Variants in CAMTA2 observed in about 807,000 individuals in gnomAD.
The protein encoded by CAMTA2 is calmodulin-binding transcription activator 2.
CAMTA2 carries 56 observed loss-of-function variants against 135.7 expected under a neutral mutation model. The observed-to-expected ratio is 0.41, with a 90% confidence interval of 0.33 to 0.52. The LOEUF is 0.52. Ranked by LOEUF, CAMTA2 falls within the 20% of genes least tolerant of loss-of-function variation. The pLI is 0.16. For missense variants in CAMTA2, 1,358 were observed against 1,553.4 expected (o/e 0.87, Z 2.11); for synonymous variants, 591 against 604.6 (o/e 0.98, Z 0.33).
chr17:4,972,968 G>A lies in CAMTA2; in HGVS notation c.2304C>T (p.His768=). The part of the protein sequence containing the change: ...TPLMWACALG[H]LEAAVLLFRW... ...GGAAAAGGAGCACAGCAGCTTCCAG[G>A]TGTCCCAGGGCACAAGCCCACATCT... The change falls in exon 15 of 23, where the codon CAC becomes CAT. Residue 768 remains histidine, a synonymous_variant. Transcript: ENST00000348066. 6.2e-7 allele frequency: 1 copy of A among 1,613,096 alleles called. No individual in the cohort carries two copies. The highest frequency in any genetic ancestry group is 8.5e-7 in the Non-Finnish European group (1 of 1,179,876).
rs1448137856 is a variant in CAMTA2, at chr17:4,977,013, A to G, written c.1900+45T>C. The G allele has an allele frequency of 3.1e-6, 5 of 1,606,772 alleles. No individual in the cohort carries two copies. In the Admixed American group the frequency reaches 6.7e-5, roughly 22 times the overall value. On this transcript the variant is annotated intron_variant, in intron 11 of 22. Transcript: ENST00000348066. ...GTGGTCTAGGAGCATGTCATGCTTA[A>G]AGGCTGTGGGCTGGATACTTGGGTT...
intron 12 of CAMTA2, 76 bp downstream of exon 12, chr17:4,974,308 TG>T: frequency 1.1e-6 from 1 of 908,108 alleles, no homozygotes. Flanking sequence ...AGGAGAGTCA[TG>T]GGCACTAGAT....
At chr17:4,984,786 C>T (rs982437424) in intron 3 of CAMTA2, among the ~76,000 whole-genome samples, 5 of 149,376 alleles carry the variant, frequency 3.3e-5, no homozygotes, top group East Asian at 2.0e-4. Context: ...TGTAGGAGGC[C>T]GAGATGGGCG....
At position 4,968,728 on chromosome 17, in the gene CAMTA2, C is replaced by CA; in HGVS notation, c.*27dup. ...CTGTTAAGACTGCACGAGGCGCCCCCAGGGTGGTGAGAAAGGCGGTGGCCA... is the reference window on the plus strand; with the variant it reads ...CTGTTAAGACTGCACGAGGCGCCCCCAAGGGTGGTGAGAAAGGCGGTGGCCA... On this transcript the variant is annotated 3_prime_UTR_variant, in exon 23 of 23. Coordinates refer to ENST00000348066, the MANE Select transcript of CAMTA2 (RefSeq NM_015099.4). 1 of 1,613,808 alleles carries CA rather than the reference C, an allele frequency of 6.2e-7. No individual in the cohort carries two copies. The highest frequency in any genetic ancestry group is 1.3e-5 in the African/African-American group (1 of 75,046).
chr17:4,981,460 C>A, intron 7 of CAMTA2, 101 bp from the exon 8 acceptor site: 1 of 1,510,542 alleles, frequency 6.6e-7, no homozygotes, highest in Non-Finnish European at 9.0e-7. Flanking sequence ...AGACTTCTGG[C>A]CAGGTGAACA....
At position 4,968,776 on chromosome 17, in the gene CAMTA2, G is replaced by A; in HGVS notation, c.3589C>T (p.Gln1197Ter). ...KQNQELEGLP[Q>*]PGLAT ...CCAGGTCATGTGGCCAGTCCCGGCT[G>A]GGGAAGCCCTTCCAGCTCCTGGTTC... The change falls in exon 23 of 23, where the codon CAG (glutamine) becomes TAG (stop). Residue 1197 changes from glutamine (Q) to a stop codon, truncating the protein, a stop_gained. Coordinates refer to ENST00000348066, the MANE Select transcript of CAMTA2 (RefSeq NM_015099.4). LOFTEE classifies it high-confidence loss of function. The A allele has an allele frequency of 1.9e-6, 3 of 1,614,110 alleles. No homozygotes were observed. Among genetic ancestry groups the A allele is most frequent in the Non-Finnish European group, 2.5e-6 (3 of 1,180,024 alleles).
chr17:4,974,812 C>T, intron 11 of CAMTA2: 1 of 249,706 alleles, frequency 4.0e-6, no homozygotes, highest in Non-Finnish European at 7.9e-6. Flanking sequence ...CCCACCCGTA[C>T]ACACTCTTCC....
rs1255638945 is a variant in CAMTA2, at chr17:4,980,395, A to G, written c.927T>C (p.Pro309=). 38 of 1,613,704 alleles carry G rather than the reference A, an allele frequency of 2.4e-5. No individual in the cohort carries two copies. Among genetic ancestry groups the G allele is most frequent in the African/African-American group, 4.0e-5 (3 of 74,818 alleles). Reference sequence around the variant, plus strand: ...AACCCCCTCGAGAAGTGGGAGGGCTAGGTCTGATTTCTAGGGGCTCTGCAA... The same window carrying G: ...AACCCCCTCGAGAAGTGGGAGGGCTGGGTCTGATTTCTAGGGGCTCTGCAA... ...SGFAEPLEIR[P]SPPTSRGGSS... The change falls in exon 9 of 23, where the codon CCT becomes CCC. Residue 309 remains proline (P), a synonymous_variant. Coordinates refer to ENST00000348066, the MANE Select transcript of CAMTA2 (RefSeq NM_015099.4). The surrounding 1 kb of genome is among the most constrained non-coding windows in gnomAD (Gnocchi z 5.3).
chr17:4,987,050 C>A, intron 1 of CAMTA2: 2 of 1,410,936 alleles, frequency 1.4e-6, no homozygotes, highest in Non-Finnish European at 1.8e-6. Flanking sequence ...CGCCAGGTGT[C>A]CAGGATGGAG....
intron 3 of CAMTA2, among the ~76,000 whole-genome samples, chr17:4,983,444 G>A (rs551125015): frequency 5.3e-5 from 8 of 150,962 alleles, no homozygotes; most frequent in Admixed American, 2.0e-4. Flanking sequence ...CACCATGCCC[G>A]GGTAATTTTG....
chr17:4,975,218 T>C (rs1223545600), intron 11 of CAMTA2, among the ~76,000 whole-genome samples: 8 of 151,438 alleles, frequency 5.3e-5, no homozygotes, highest in Admixed American at 5.3e-4. Flanking sequence ...ACGGTGAAGG[T>C]TGGAGATGTT....
In CAMTA2 at chr17:4,973,215, A is replaced by G. The variant is rs540843195; in HGVS notation, c.2240T>C (p.Val747Ala). The change falls in exon 14 of 23, where the codon GTT becomes GCT. Residue 747 changes from valine to alanine, a missense_variant. Coordinates refer to ENST00000348066, the MANE Select transcript of CAMTA2 (RefSeq NM_015099.4). The stretch of plus-strand genomic sequence containing the variant: ...GAAATGATCCACGTTGAGCGGGTCA[A>G]CCTCCTGCTCTAAGTCCAAGCTTCC... ...ETGSLDLEQE[V>A]DPLNVDHFSC... The G allele has an allele frequency of 5.1e-5, 83 of 1,614,014 alleles. 1 individual carries two copies. The South Asian group carries it at 7.5e-4, about 15-fold the overall frequency.
chr17:4,986,989 G>A (rs1417453443), intron 1 of CAMTA2: 1 of 1,465,994 alleles, frequency 6.8e-7, no homozygotes, highest in Non-Finnish European at 9.0e-7. Context: ...TGAGCCCCCC[G>A]CCCTCCTCGG....
chr17:4,981,489 A>G, intron 7 of CAMTA2, 130 bp from the exon 8 acceptor site: 1 of 1,351,780 alleles, frequency 7.4e-7, no homozygotes, highest in Non-Finnish European at 1.0e-6. Flanking sequence ...CAGCCTCAAG[A>G]CTGCTCAGAT....
At chr17:4,975,589 G>A (rs1406492428) in intron 11 of CAMTA2, among the ~76,000 whole-genome samples, 3 of 152,158 alleles carry the variant, frequency 2.0e-5, no homozygotes, top group African/African-American at 7.2e-5. Flanking sequence ...AGATCCCAAG[G>A]TAGGCAGACT....
rs1254286743 is a variant in CAMTA2 at position 4,974,493 on chromosome 17, C to A, written c.1908G>T (p.Gln636His). 6.2e-7 allele frequency: 1 copy of A among 1,611,754 alleles called. No individual in the cohort carries two copies. The highest frequency in any genetic ancestry group is 1.1e-5 in the South Asian group (1 of 91,038). Residue 636 changes from glutamine to histidine, a missense_variant, in exon 12 of 23, where the codon CAG (glutamine) becomes CAT (histidine). Coordinates refer to ENST00000348066, the MANE Select transcript of CAMTA2 (RefSeq NM_015099.4). ...GTCGCTCTAGTATGGACATCCGGAA[C>A]TGGTTGTCTGAGGGGGAACGGGTAT... is the stretch of plus-strand genomic sequence containing the variant. Reference protein sequence around the residue: ...QLDWLSLDDNQFRMSILERLE... With the variant: ...QLDWLSLDDNHFRMSILERLE...
At position 4,969,741 on chromosome 17, in the gene CAMTA2, A is replaced by G; in HGVS notation, c.3190-40T>C. 6.2e-7 allele frequency: 1 copy of G among 1,611,348 alleles called. No homozygotes were observed. The highest frequency in any genetic ancestry group is 8.5e-7 in the Non-Finnish European group (1 of 1,177,896). On this transcript the variant is annotated intron_variant, in intron 18 of 22. Transcript: ENST00000348066. The surrounding 1 kb of genome is among the most constrained non-coding windows in gnomAD (Gnocchi z 5.6). ...GTCTCACCACCTCATGACCCACATA[A>G]TGGCATATCTGACTTGTCCCTTCAA...
chr17:4,978,605 C>G lies in CAMTA2; in HGVS notation c.1664G>C (p.Gly555Ala). 2 of 1,613,958 alleles carry G rather than the reference C, an allele frequency of 1.2e-6. No individual in the cohort carries two copies. Among genetic ancestry groups the G allele is most frequent in the Non-Finnish European group, 1.7e-6 (2 of 1,179,850 alleles). Residue 555 changes from glycine to alanine, a missense_variant, in exon 10 of 23, where the codon GGT becomes GCT. Coordinates refer to ENST00000348066, the MANE Select transcript of CAMTA2 (RefSeq NM_015099.4). Reference protein sequence around the residue: ...PEGGVKVLITGPWTEAAEHYS... With the variant: ...PEGGVKVLITAPWTEAAEHYS... ...ATGCTCGGCGGCTTCGGTCCAAGGA[C>G]CTGTGATGAGCACCTTGACCCCACC...
Position 4,980,698 on chromosome 17 carries a change from A to G in CAMTA2, c.701-77T>C. 4.4e-6 allele frequency: 5 copies of G among 1,148,996 alleles called. No individual in the cohort carries two copies. The highest frequency in any genetic ancestry group is 6.5e-6 in the Non-Finnish European group (5 of 774,264). 71.2% of individuals were successfully genotyped at this position (1,148,996 alleles called of 1,614,324 possible). On this transcript the variant is annotated intron_variant, in intron 8 of 22. Transcript: ENST00000348066. The surrounding 1 kb of genome is among the most constrained non-coding windows in gnomAD (Gnocchi z 5.3). ...CCTTCTCTACCTTGAGGCCCTTAAA[A>G]GTATTTCCTGGGACGTCCCTATAAA... is the stretch of plus-strand genomic sequence containing the variant.
Sources: gnomAD v4.1 joint callset for allele counts (sites outside exome capture counted in the v4.1 genomes callset) on GRCh38, gnomAD v4.1.1 for gene constraint, Gnocchi (gnomAD v3.1) non-coding constraint, MANE v1.5 for transcripts, NCBI Gene and HGNC (gene_info 2026-07-23, HGNC 2026-07-21) for gene names.